The following UGT1A10 variants were observed in gnomAD, a reference collection of about 807,000 sequenced individuals.
UGT1A10 encodes UDP glucuronosyltransferase family 1 member A10, also known as UDP-glucuronosyltransferase 1A10.
A neutral mutation model predicts 45.8 loss-of-function variants in UGT1A10; 49 were observed. The observed-to-expected ratio is 1.07, with a 90% CI of 0.85 to 1.36. The LOEUF (loss-of-function observed/expected upper bound fraction) is 1.36, where lower values mean the gene tolerates loss of function less well. Among genes scored for constraint, UGT1A10 ranks in the 40% most tolerant of loss-of-function variants. The pLI is 0.00. For synonymous variants in UGT1A10, 284 were observed against 249.7 expected, an observed-to-expected ratio of 1.14 and a Z score of -1.29; for missense variants, 745 against 668.6, an observed-to-expected ratio of 1.11 and a Z score of -1.26.
intron 1 of UGT1A10, among the ~76,000 whole-genome samples, chr2:233,686,422 C>T (rs1254685697): frequency 6.6e-6 from 1 of 152,122 alleles, no homozygotes; most frequent in African/African-American, 2.4e-5. Flanking sequence ...CAGATAAACA[C>T]ACGCATGCTT....
In UGT1A10 at chr2:233,650,033, C is replaced by T. The variant is rs28969990; in HGVS notation, c.855+12656C>T. On this transcript the variant is annotated intron_variant, in intron 1 of 4. Coordinates refer to ENST00000344644, the MANE Select transcript of UGT1A10 (RefSeq NM_019075.4). ...TTGTCGAGGCTGGGGTGCAATGGTG[C>T]GATCTTGGCTCACCACAACCTCTGC... Among the ~76,000 whole-genome samples the T allele has an allele frequency of 8.4e-3, 1,278 of 152,214 alleles. 22 individuals carry two copies. The highest frequency in any genetic ancestry group is 0.028 in the African/African-American group (1,177 of 41,518).
intron 1 of UGT1A10, chr2:233,713,844 A>G: frequency 1.2e-6 from 2 of 1,614,060 alleles, no homozygotes; most frequent in Non-Finnish European, 1.7e-6. Context: ...TGCCAACGGG[A>G]AGCCACTATC....
At chr2:233,740,911 C>A (rs1291553695) in intron 1 of UGT1A10, 2 of 130,742 alleles carry the variant, frequency 1.5e-5, no homozygotes, top group Non-Finnish European at 1.6e-5. Context: ...CAACATTGTT[C>A]CCATCTCCAC....
chr2:233,718,621 T>C (rs1199442857), intron 1 of UGT1A10: 10 of 887,970 alleles, frequency 1.1e-5, no homozygotes, highest in Middle Eastern at 1.2e-3. Flanking sequence ...ATAGGCGTGA[T>C]TGGTCTTTCC....
intron 1 of UGT1A10, among the ~76,000 whole-genome samples, chr2:233,734,121 TA>T (rs1021409062): frequency 6.6e-6 from 1 of 151,862 alleles, no homozygotes; most frequent in African/African-American, 2.4e-5. Context: ...ATAATAATAA[TA>T]AAAAGAATTT....
intron 1 of UGT1A10, among the ~76,000 whole-genome samples, chr2:233,667,607 G>T (rs1168318735): frequency 6.6e-6 from 1 of 152,120 alleles, no homozygotes; most frequent in Non-Finnish European, 1.5e-5. Context: ...CTTACAGAAT[G>T]GGAGAAAATT....
chr2:233,685,101 T>C (rs1008547396), intron 1 of UGT1A10, among the ~76,000 whole-genome samples: 4 of 152,178 alleles, frequency 2.6e-5, no homozygotes, highest in Non-Finnish European at 5.9e-5. Flanking sequence ...TATAACAAAA[T>C]CTTATTGAGT....
chr2:233,700,353 T>G (rs2075558735), intron 1 of UGT1A10, among the ~76,000 whole-genome samples: 1 of 152,198 alleles, frequency 6.6e-6, no homozygotes, highest in Non-Finnish European at 1.5e-5. Context: ...GTGCTTATCT[T>G]TATGGCTGAT....
chr2:233,676,966 A>G (rs1192992636), intron 1 of UGT1A10, among the ~76,000 whole-genome samples: 1 of 152,112 alleles, frequency 6.6e-6, no homozygotes, highest in African/African-American at 2.4e-5. Flanking sequence ...TAGCTGTGTA[A>G]TAATCTATAA....
intron 1 of UGT1A10, among the ~76,000 whole-genome samples, chr2:233,710,127 C>A (rs1404227374): frequency 6.6e-6 from 1 of 152,186 alleles, no homozygotes; most frequent in Non-Finnish European, 1.5e-5. Flanking sequence ...TTCCGAGTAG[C>A]ATTTCATTGT....
At chr2:233,736,303 A>T (rs1206412550) in intron 1 of UGT1A10, among the ~76,000 whole-genome samples, 2 of 152,062 alleles carry the variant, frequency 1.3e-5, no homozygotes, top group Non-Finnish European at 2.9e-5. Context: ...TGCTCTAATC[A>T]GCTATTGAAT....
At chr2:233,658,283 T>C (rs1167111467) in intron 1 of UGT1A10, among the ~76,000 whole-genome samples, 3 of 152,174 alleles carry the variant, frequency 2.0e-5, no homozygotes, top group Non-Finnish European at 2.9e-5. Flanking sequence ...CCTCCCAAAG[T>C]GCTGGGATTA....
chr2:233,702,392 C>G (rs116752666), intron 1 of UGT1A10, among the ~76,000 whole-genome samples: 1,932 of 152,128 alleles, frequency 0.013, 42 homozygotes, highest in African/African-American at 0.043. Context: ...CATTCCAGAT[C>G]ATGTTATCTA....
chr2:233,716,408 C>T (rs2076503557), intron 1 of UGT1A10, among the ~76,000 whole-genome samples: 2 of 152,112 alleles, frequency 1.3e-5, no homozygotes, highest in South Asian at 4.1e-4. Flanking sequence ...AAAGTGAAAC[C>T]CACATCTTAT....
Position 233,719,317 on chromosome 2 carries a change from C to T in UGT1A10, c.856-47717C>T, listed in dbSNP as rs149079663. 5.0e-5 allele frequency: 81 copies of T among 1,613,916 alleles called. No individual in the cohort carries two copies. In the Admixed American group the frequency reaches 5.2e-4, roughly 10 times the overall value. ...GGGGCGGTGCTGGCTAAGTACCTGT[C>T]GATTCCTGCTGTGTTTTTTTGGAGG... On this transcript the variant is annotated intron_variant, in intron 1 of 4. Transcript: ENST00000344644.
At chr2:233,717,819 G>A (rs1272526247) in intron 1 of UGT1A10, 4 of 455,464 alleles carry the variant, frequency 8.8e-6, no homozygotes, top group East Asian at 6.9e-5. Flanking sequence ...TATGCAGCCC[G>A]TTCTGTTCTG....
intron 1 of UGT1A10, among the ~76,000 whole-genome samples, chr2:233,751,911 A>T (rs1694846299): frequency 6.6e-6 from 1 of 152,190 alleles, no homozygotes; most frequent in African/African-American, 2.4e-5. Context: ...GAACAGACTA[A>T]TACAAGATTG....
chr2:233,682,111 C>T (rs1559339332), intron 1 of UGT1A10: 1 of 1,614,196 alleles, frequency 6.2e-7, no homozygotes, highest in Non-Finnish European at 8.5e-7. Flanking sequence ...TGGTCGTAGT[C>T]ATGCCAGAGG....
chr2:233,693,545 A>G lies in UGT1A10; in HGVS notation c.855+56168A>G, dbSNP rs2070959. ...GGGTTTTCCGTGTTCCCTGGAGCATACATTCAGCAGAAGCCCAGACCCTGT... is the reference window on the plus strand; with the variant it reads ...GGGTTTTCCGTGTTCCCTGGAGCATGCATTCAGCAGAAGCCCAGACCCTGT... On this transcript the variant is annotated intron_variant, in intron 1 of 4. Transcript: ENST00000344644. The G allele has an allele frequency of 0.32, 515,475 of 1,613,956 alleles. 84,631 individuals are homozygous for G. Among genetic ancestry groups the G allele is most frequent in the South Asian group, 0.4 (36,504 of 91,082 alleles).
Sources: gnomAD v4.1 joint callset for allele counts (sites outside exome capture counted in the v4.1 genomes callset) on GRCh38, gnomAD v4.1.1 for gene constraint, MANE v1.5 for transcripts, NCBI Gene and HGNC (gene_info 2026-07-23, HGNC 2026-07-21) for gene names.